RIPOR3: variants seen among roughly 807,000 people sequenced by gnomAD.
The protein encoded by RIPOR3 is family with sequence similarity 65 member C.
Under a neutral mutation model 114.3 loss-of-function variants are expected in RIPOR3, and 95 were observed. That is an observed-to-expected ratio of 0.83 (90% CI 0.70 to 0.99). The LOEUF (loss-of-function observed/expected upper bound fraction) is 0.99. Among genes scored for constraint, RIPOR3 ranks in the 50% least tolerant of loss-of-function variants. The pLI, the probability that RIPOR3 is intolerant of heterozygous loss-of-function variation, is 0.00. For missense variants in RIPOR3, 1,252 were observed against 1,266.9 expected (o/e 0.99, Z 0.18); for synonymous variants, 575 against 543.8 (o/e 1.06, Z -0.80).
At chr20:50,650,975 TTTTG>T (rs2085581483) in intron 1 of RIPOR3, among the ~76,000 whole-genome samples, 1 of 151,878 alleles carries the variant, frequency 6.6e-6, no homozygotes, top group Non-Finnish European at 1.5e-5. Context: ...GCTTTTTGTT[TTTTG>T]TTTTTTTTTT....
chr20:50,678,484 C>T (rs1333976110), intron 1 of RIPOR3, among the ~76,000 whole-genome samples: 1 of 152,174 alleles, frequency 6.6e-6, no homozygotes, highest in East Asian at 1.9e-4. Context: ...TCTGCAGGCT[C>T]CGGGAAGGAA....
intron 12 of RIPOR3, among the ~76,000 whole-genome samples, chr20:50,604,211 A>AT (rs1296477003): frequency 1.3e-5 from 2 of 151,990 alleles, no homozygotes; most frequent in East Asian, 3.9e-4. Context: ...AGAAAAAAAA[A>AT]GGCGTATACA....
chr20:50,597,500 G>T, intron 14 of RIPOR3, 80 bp downstream of exon 14: 2 of 1,529,776 alleles, frequency 1.3e-6, no homozygotes, highest in South Asian at 1.2e-5. Context: ...CAGACGGGGA[G>T]GCTGGCAGGA....
At chr20:50,611,895 G>A (rs1467790138) in intron 4 of RIPOR3, among the ~76,000 whole-genome samples, 3 of 152,062 alleles carry the variant, frequency 2.0e-5, no homozygotes, top group African/African-American at 7.2e-5. Flanking sequence ...AGGCTGAGGT[G>A]GTCAGATCAC....
chr20:50,683,946 T>C (rs2086937198), intron 1 of RIPOR3, among the ~76,000 whole-genome samples: 1 of 151,838 alleles, frequency 6.6e-6, no homozygotes, highest in Admixed American at 6.6e-5. Flanking sequence ...TTAAGCGTGG[T>C]AGTGTGCACC....
In RIPOR3 at chr20:50,602,833, T is replaced by C. The variant is rs1396154994; in HGVS notation, c.1087-189A>G. Among the ~76,000 whole-genome samples, 1 of 151,820 alleles carries C rather than the reference T, an allele frequency of 6.6e-6. No homozygotes were observed. Among genetic ancestry groups the C allele is most frequent in the Non-Finnish European group, 1.5e-5 (1 of 67,908 alleles). On this transcript the variant is annotated intron_variant, in intron 12 of 21. Transcript: ENST00000327979. The surrounding 1 kb of genome is among the most constrained non-coding windows in gnomAD (Gnocchi z 4.3). The stretch of plus-strand genomic sequence containing the variant: ...GTCCCCTCTCTGCACTTATCCCCCA[T>C]CCCGCCTCCAACTCACTCCCCCCAA...
At position 50,595,389 on chromosome 20, in the gene RIPOR3, T is replaced by C. The variant is rs2083253516; in HGVS notation, c.2030A>G (p.Lys677Arg). Residue 677 changes from lysine to arginine, a missense_variant, in exon 16 of 22, where the codon AAG (lysine) becomes AGG (arginine). Transcript: ENST00000327979. ...LSVLDFEKVG[K>R]ATSIEEIIPQ... ...CTTACTCTCTTCAATGGATGTTGCC[T>C]TGCCGACCTTCTCAAAGTCAAGGAC... 1 of 1,614,128 alleles carries C rather than the reference T, an allele frequency of 6.2e-7. No homozygotes were observed.
At chr20:50,666,192 C>T (rs56410705) in intron 1 of RIPOR3, among the ~76,000 whole-genome samples, 268 of 26,626 alleles carry the variant, frequency 0.01, no homozygotes, top group East Asian at 0.05. Context: ...CATTTCTTTT[C>T]TTTTCTTTTC....
chr20:50,640,904 ACTT>A (rs1169699812), intron 1 of RIPOR3, among the ~76,000 whole-genome samples: 5 of 147,752 alleles, frequency 3.4e-5, no homozygotes, highest in African/African-American at 5.0e-5. Context: ...TGTAATATGC[ACTT>A]CTTTTTTTTT....
intron 2 of RIPOR3, among the ~76,000 whole-genome samples, chr20:50,622,472 G>A (rs753502789): frequency 9.2e-5 from 14 of 152,066 alleles, no homozygotes; most frequent in Non-Finnish European, 1.3e-4. Context: ...GTGAGCCACC[G>A]TGCCTGGCTC....
chr20:50,676,538 G>A (rs2123571693), intron 1 of RIPOR3, among the ~76,000 whole-genome samples: 1 of 152,184 alleles, frequency 6.6e-6, no homozygotes, highest in Non-Finnish European at 1.5e-5. Flanking sequence ...TGTGGTCCCA[G>A]CTACTCTGGA....
intron 1 of RIPOR3, chr20:50,660,329 G>A (rs1428962281): frequency 6.6e-6 from 1 of 152,204 alleles, no homozygotes; most frequent in Non-Finnish European, 1.5e-5. Context: ...TAAAGGGATG[G>A]CCTTGACTTC....
chr20:50,587,987 G>A, intron 20 of RIPOR3, 95 bp from the exon 21 acceptor site: 1 of 1,154,434 alleles, frequency 8.7e-7, no homozygotes, highest in African/African-American at 1.6e-5. Context: ...TCCTAGCATG[G>A]TCTCTGGGGC....
intron 1 of RIPOR3, among the ~76,000 whole-genome samples, chr20:50,669,535 T>G (rs1285549246): frequency 6.6e-6 from 1 of 152,190 alleles, no homozygotes; most frequent in Non-Finnish European, 1.5e-5. Flanking sequence ...TTCCTGATCA[T>G]CAACACAGAC....
intron 1 of RIPOR3, among the ~76,000 whole-genome samples, chr20:50,656,569 C>T (rs1246912291): frequency 6.6e-6 from 1 of 152,004 alleles, no homozygotes; most frequent in Non-Finnish European, 1.5e-5. Flanking sequence ...CTGTGTTGCC[C>T]AGGCTGGCCT....
Position 50,667,811 on chromosome 20 carries a change from G to T in RIPOR3, c.3+23315C>A, listed in dbSNP as rs79922028. On this transcript the variant is annotated intron_variant, in intron 1 of 21. Coordinates refer to ENST00000327979, the MANE Select transcript of RIPOR3 (RefSeq NM_001290268.2). Reference sequence around the variant, plus strand: ...TGGGAGTCAGAGTAGCAAAGGCTTTGAGATCACATAGACCTGGGACACGTG... The same window carrying T: ...TGGGAGTCAGAGTAGCAAAGGCTTTTAGATCACATAGACCTGGGACACGTG... 6.8e-3 allele frequency among the ~76,000 whole-genome samples: 1,035 copies of T among 152,338 alleles called. 22 individuals are homozygous for T. Among genetic ancestry groups the T allele is most frequent in the African/African-American group, 0.023 (973 of 41,580 alleles).
intron 20 of RIPOR3, among the ~76,000 whole-genome samples, chr20:50,589,325 T>A (rs1008720828): frequency 2.7e-5 from 4 of 149,616 alleles, no homozygotes; most frequent in African/African-American, 9.9e-5. Flanking sequence ...TTTTTTTTTT[T>A]AAGATGGAGT....
chr20:50,650,265 C>T (rs2123392846), intron 1 of RIPOR3, among the ~76,000 whole-genome samples: 1 of 152,154 alleles, frequency 6.6e-6, no homozygotes, highest in African/African-American at 2.4e-5. Context: ...CTCCCAAAGG[C>T]CCCACCTCCT....
intron 1 of RIPOR3, among the ~76,000 whole-genome samples, chr20:50,649,762 C>G (rs2085536717): frequency 6.6e-6 from 1 of 152,214 alleles, no homozygotes; most frequent in Non-Finnish European, 1.5e-5. Context: ...GGAAGCGCTC[C>G]CTGAGGGCTA....
Sources: gnomAD v4.1 joint callset for allele counts (sites outside exome capture counted in the v4.1 genomes callset) on GRCh38, gnomAD v4.1.1 for gene constraint, Gnocchi (gnomAD v3.1) non-coding constraint, MANE v1.5 for transcripts, NCBI Gene and HGNC (gene_info 2026-07-23, HGNC 2026-07-21) for gene names.